The following SFI1 variants were observed in gnomAD, a reference collection of about 807,000 sequenced individuals.
SFI1 encodes SFI1 centrin binding protein, also known as protein SFI1 homolog.
A neutral mutation model predicts 207.5 loss-of-function variants in SFI1; 195 were observed. The ratio of observed to expected loss-of-function variants is 0.94; its 90% CI spans 0.84 to 1.06. The LOEUF is 1.06. Ranked by LOEUF, SFI1 falls within the 50% of genes least tolerant of loss-of-function variation. The probability of loss-of-function intolerance (pLI) is 0.00; values close to 1 mark genes in which losing one functional copy is unlikely to be tolerated. For missense variants in SFI1, 1,634 were observed against 1,588.0 expected (o/e 1.03, Z -0.49); for synonymous variants, 630 against 598.9 (o/e 1.05, Z -0.76).
chr22:31,528,112 CA>C (rs1403849616), intron 2 of SFI1, among the ~76,000 whole-genome samples: 1 of 151,262 alleles, frequency 6.6e-6, no homozygotes, highest in Admixed American at 6.6e-5. Flanking sequence ...GACCTTATCT[CA>C]AAAAAATAAT....
intron 2 of SFI1, among the ~76,000 whole-genome samples, chr22:31,513,656 C>T (rs1194597934): frequency 6.6e-6 from 1 of 151,926 alleles, no homozygotes; most frequent in Non-Finnish European, 1.5e-5. Flanking sequence ...CAGCTCACTG[C>T]AACCTCCGTC....
In SFI1 at chr22:31,618,391, C is replaced by G. The variant is rs1556404590; in HGVS notation, c.3702C>G (p.Ile1234Met). The change falls in exon 33 of 33, where the codon ATC (isoleucine) becomes ATG (methionine). Residue 1234 changes from isoleucine (I) to methionine (M), a missense_variant. By Grantham distance (10) the Ile-to-Met change is conservative. Transcript: ENST00000400288. ...CCATTGGCGCCTGCGTTGCCCGCAT[C>G]CAGGCCCTGCGGCAGGCCCTGTGCT... Reference protein sequence around the residue: ...RQPIGACVARIQALRQALC With the variant: ...RQPIGACVARMQALRQALC The G allele has an allele frequency of 2.5e-6, 4 of 1,599,972 alleles. No individual in the cohort carries two copies. Among genetic ancestry groups the G allele is most frequent in the Non-Finnish European group, 2.6e-6 (3 of 1,171,576 alleles).
intron 15 of SFI1, among the ~76,000 whole-genome samples, chr22:31,594,321 G>A (rs998123234): frequency 1.4e-4 from 22 of 152,010 alleles, no homozygotes; most frequent in African/African-American, 2.9e-4. Flanking sequence ...AGGCCGGAGC[G>A]GGCGGATCAC....
At chr22:31,614,052 T>G in intron 27 of SFI1, 197 bp downstream of exon 27, 1 of 706,320 alleles carries the variant, frequency 1.4e-6, no homozygotes, top group Non-Finnish European at 2.2e-6. Context: ...GAGTGGGATT[T>G]CCAAACCCTC....
chr22:31,534,746 T>C (rs1018940548), intron 4 of SFI1, among the ~76,000 whole-genome samples: 2 of 152,126 alleles, frequency 1.3e-5, no homozygotes, highest in Admixed American at 1.3e-4. Flanking sequence ...CTTATAATCT[T>C]TTATCTCATT....
At chr22:31,554,569 A>C (rs2060976533) in intron 6 of SFI1, among the ~76,000 whole-genome samples, 1 of 150,462 alleles carries the variant, frequency 6.6e-6, no homozygotes, top group Non-Finnish European at 1.5e-5. Context: ...CGGCCTCCCA[A>C]AGTGCTGGGA....
rs539040384 is a variant in SFI1 at position 31,524,180 on chromosome 22, C to T, written c.93-4510C>T. On this transcript the variant is annotated intron_variant, in intron 2 of 32. Transcript: ENST00000400288. ...TGGCGCCATTGCACTCCAGCCTGGG[C>T]GACAGAGTGAGATTCCATCTCAAAA... 5.3e-5 allele frequency among the ~76,000 whole-genome samples: 8 copies of T among 151,894 alleles called. 1 individual carries two copies. The South Asian group carries it at 8.3e-4, about 16-fold the overall frequency.
intron 10 of SFI1, among the ~76,000 whole-genome samples, chr22:31,577,658 G>A (rs1299916141): frequency 6.6e-6 from 1 of 152,140 alleles, no homozygotes; most frequent in Non-Finnish European, 1.5e-5. Flanking sequence ...TTGAACTCAG[G>A]AGTTTGAGGC....
chr22:31,524,749 G>A (rs969893743), intron 2 of SFI1, among the ~76,000 whole-genome samples: 9 of 141,690 alleles, frequency 6.4e-5, no homozygotes, highest in Admixed American at 4.3e-4. Flanking sequence ...TGTATATTCT[G>A]CATATTAATC....
rs1249961854 is a variant in SFI1 at position 31,617,055 on chromosome 22, C to G, written c.3489C>G (p.Tyr1163Ter). Residue 1163 changes from tyrosine (Y) to a stop codon, truncating the protein, a stop_gained, in exon 31 of 33, where the codon TAC becomes TAG. Coordinates refer to ENST00000400288, the MANE Select transcript of SFI1 (RefSeq NM_001007467.3). LOFTEE classifies it high-confidence loss of function. ...AGATCCAGCAGCAACTACTGCACTACCAGACCACCAAGCAGAACCTCTGGT... is the reference window on the plus strand; with the variant it reads ...AGATCCAGCAGCAACTACTGCACTAGCAGACCACCAAGCAGAACCTCTGGT... ...LEEIQQQLLHYQTTKQNLWSC... is the reference protein window; with the variant it reads ...LEEIQQQLLH 3 of 1,613,942 alleles carry G rather than the reference C, an allele frequency of 1.9e-6. No individual in the cohort carries two copies. Among genetic ancestry groups the G allele is most frequent in the African/African-American group, 2.7e-5 (2 of 74,898 alleles).
chr22:31,568,194 T>TGTGTGTGTGTG (rs749787029), intron 8 of SFI1, among the ~76,000 whole-genome samples: 14 of 92,546 alleles, frequency 1.5e-4, no homozygotes, highest in African/African-American at 7.4e-4. Flanking sequence ...TGTGTGTGTG[T>TGTGTGTGTGTG]TGTGTGTGTG....
At chr22:31,582,458 G>A (rs914380479) in intron 12 of SFI1, among the ~76,000 whole-genome samples, 1 of 150,514 alleles carries the variant, frequency 6.6e-6, no homozygotes, top group Non-Finnish European at 1.5e-5. Flanking sequence ...CACCGTGTTG[G>A]CCAGGCTGGT....
chr22:31,604,024 A>G (rs1272880793), intron 18 of SFI1, among the ~76,000 whole-genome samples: 1 of 152,184 alleles, frequency 6.6e-6, no homozygotes, highest in African/African-American at 2.4e-5. Flanking sequence ...GGCTGTTCTT[A>G]TTTGAACTTA....
At chr22:31,576,090 T>C (rs2145937421) in intron 10 of SFI1, among the ~76,000 whole-genome samples, 1 of 151,656 alleles carries the variant, frequency 6.6e-6, no homozygotes, top group East Asian at 1.9e-4. Flanking sequence ...AGTGGTACAA[T>C]CTCGGCTCAC....
intron 8 of SFI1, among the ~76,000 whole-genome samples, chr22:31,571,499 GA>G (rs1297999981): frequency 6.7e-6 from 1 of 149,662 alleles, no homozygotes; most frequent in East Asian, 1.9e-4. Flanking sequence ...TTTTTTGGTA[GA>G]GACAGAGTTT....
chr22:31,585,684 G>C lies in SFI1; in HGVS notation c.1413+550G>C, dbSNP rs184912586. On this transcript the variant is annotated intron_variant, in intron 14 of 32. Coordinates refer to ENST00000400288, the MANE Select transcript of SFI1 (RefSeq NM_001007467.3). ...GTGATATAAAGTCAATAAAATTCCT[G>C]CTCTCCCAGGGCTCATACTTTAGCA... Among the ~76,000 whole-genome samples, 19 of 152,254 alleles carry C rather than the reference G, an allele frequency of 1.2e-4. No individual in the cohort carries two copies. The East Asian group carries it at 1.5e-3, about 12-fold the overall frequency.
chr22:31,552,150 G>A (rs1389533925), intron 6 of SFI1, among the ~76,000 whole-genome samples: 10 of 152,148 alleles, frequency 6.6e-5, no homozygotes, highest in Non-Finnish European at 4.4e-5. Flanking sequence ...CTGTTTCTGA[G>A]TTAGTTCACT....
intron 12 of SFI1, among the ~76,000 whole-genome samples, chr22:31,580,970 C>G (rs1569371856): frequency 6.6e-6 from 1 of 152,084 alleles, no homozygotes; most frequent in Non-Finnish European, 1.5e-5. Flanking sequence ...GATTTTAAAC[C>G]TGACCTAGGG....
chr22:31,517,433 A>G (rs1018491326), intron 2 of SFI1, among the ~76,000 whole-genome samples: 2 of 151,756 alleles, frequency 1.3e-5, no homozygotes, highest in Non-Finnish European at 2.9e-5. Flanking sequence ...TTTTTTGTAG[A>G]GATGGGCTTT....
Sources: gnomAD v4.1 joint callset for allele counts (sites outside exome capture counted in the v4.1 genomes callset) on GRCh38, gnomAD v4.1.1 for gene constraint, MANE v1.5 for transcripts, NCBI Gene and HGNC (gene_info 2026-07-23, HGNC 2026-07-21) for gene names.